The following TEKT4 variants were observed in gnomAD, a reference collection of about 807,000 sequenced individuals.
The protein encoded by TEKT4 is tektin 4.
TEKT4 carries 46 observed loss-of-function variants against 46.0 expected under a neutral mutation model. The observed-to-expected ratio is 1.00, with a 90% CI of 0.79 to 1.28. The LOEUF is 1.28. TEKT4 is among the 50% of genes most tolerant of loss of function. The pLI is 0.00. For missense variants in TEKT4, 790 were observed against 622.9 expected (o/e 1.27, Z -2.85); for synonymous variants, 325 against 265.8 (o/e 1.22, Z -2.17).
chr2:94,872,655 G>A (rs1553395000), intron 1 of TEKT4: 1 of 414,002 alleles, frequency 2.4e-6, no homozygotes, highest in Non-Finnish European at 4.3e-6. Flanking sequence ...TGACCTCTCA[G>A]AGCCTGGGGC....
rs192308447 is a variant in TEKT4 at position 94,875,752 on chromosome 2, G to A, written c.1091+10G>A. On this transcript the variant is annotated intron_variant, in intron 5 of 5. Coordinates refer to ENST00000295201, the MANE Select transcript of TEKT4 (RefSeq NM_144705.4). ...ACGCAGCCCAGTTCAGGTGCTGCCT[G>A]GGCCTCTGAGGCAGTCCCAGGTGGC... 1,138 of 1,612,076 alleles carry A rather than the reference G, an allele frequency of 7.1e-4. 7 individuals carry two copies. The African/African-American group carries it at 0.014, about 19-fold the overall frequency.
Position 94,875,018 on chromosome 2 carries a change from G to T in TEKT4, c.936+20G>T. The T allele has an allele frequency of 6.4e-7, 1 of 1,567,628 alleles. No homozygotes were observed. The highest frequency in any genetic ancestry group is 8.6e-7 in the Non-Finnish European group (1 of 1,156,568). Reference sequence around the variant, plus strand: ...CACAAGGTGGGGCACCCTGAACCCCGAAGACGGCCCCCTCTCATCACCTGG... The same window carrying T: ...CACAAGGTGGGGCACCCTGAACCCCTAAGACGGCCCCCTCTCATCACCTGG... On this transcript the variant is annotated intron_variant, in intron 4 of 5. Coordinates refer to ENST00000295201, the MANE Select transcript of TEKT4 (RefSeq NM_144705.4).
At position 94,873,963 on chromosome 2, in the gene TEKT4, A is replaced by G. The variant is rs1553395508; in HGVS notation, c.570-2A>G. 6.6e-7 allele frequency: 1 copy of G among 1,518,356 alleles called. No individual in the cohort carries two copies. Among genetic ancestry groups the G allele is most frequent in the East Asian group, 2.7e-5 (1 of 36,598 alleles). The allele number at this position is 1,518,356 out of a possible 1,614,324, so 94.1% of individuals were successfully genotyped here. A position where few individuals can be genotyped will look rare whatever the true frequency, so the allele number is the denominator to read the frequency against. Reference sequence around the variant, plus strand: ...TCAAGGCCCTGCCCCACCCCGCCCCAGACTGAACCGGGAGCACAAGGAGAC... The same window carrying G: ...TCAAGGCCCTGCCCCACCCCGCCCCGGACTGAACCGGGAGCACAAGGAGAC... On this transcript the variant is annotated splice_acceptor_variant, in intron 2 of 5. Coordinates refer to ENST00000295201, the MANE Select transcript of TEKT4 (RefSeq NM_144705.4). LOFTEE classifies it high-confidence loss of function.
chr2:94,873,097 G>A, intron 1 of TEKT4: 1 of 1,244,150 alleles, frequency 8.0e-7, no homozygotes, highest in Non-Finnish European at 1.0e-6. Context: ...CCTGTTCTTG[G>A]TGTGAAGATG....
chr2:94,875,868 T>C, intron 5 of TEKT4, 126 bp downstream of exon 5: 1 of 955,190 alleles, frequency 1.0e-6, no homozygotes, highest in East Asian at 2.6e-5. Context: ...GGAGGGAGAC[T>C]TTGGGGCCAC....
rs781913511 is a variant in TEKT4, at chr2:94,874,759, T to C, written c.714-17T>C. ...AGAGCCTCCCCGACCCTCTCCTGGC[T>C]GTCCCCCGCCCCGCAGCGCCTCCAC... On this transcript the variant is annotated splice_polypyrimidine_tract_variant and intron_variant, in intron 3 of 5. Transcript: ENST00000295201. 1.3e-6 allele frequency: 2 copies of C among 1,543,194 alleles called. No homozygotes were observed. The highest frequency in any genetic ancestry group is 1.4e-5 in the African/African-American group (1 of 73,388).
chr2:94,872,122 AG>A (rs1298333709), intron 1 of TEKT4, 45 bp downstream of exon 1: 1 of 1,375,532 alleles, frequency 7.3e-7, no homozygotes, highest in Non-Finnish European at 9.6e-7. Flanking sequence ...CGCAGAGAGG[AG>A]GAGCCCCCCC....
At chr2:94,873,360 G>A (rs1680664721) in intron 1 of TEKT4, 160 bp from the exon 2 acceptor site, 15 of 1,473,508 alleles carry the variant, frequency 1.0e-5, no homozygotes, top group Non-Finnish European at 1.3e-5. Context: ...AAAAGCCCAA[G>A]ATAAACCCAG....
chr2:94,873,470 G>A, intron 1 of TEKT4, 50 bp from the exon 2 acceptor site: 4 of 1,611,324 alleles, frequency 2.5e-6, no homozygotes, highest in Non-Finnish European at 3.4e-6. Context: ...GGGCCTCCTG[G>A]GATCCTCACC....
rs1553395972 is a variant in TEKT4 at position 94,875,000 on chromosome 2, T to TCCC, written c.936+2_936+3insCCC. 1 of 1,594,896 alleles carries TCCC rather than the reference T, an allele frequency of 6.3e-7. No individual in the cohort carries two copies. Among genetic ancestry groups the TCCC allele is most frequent in the East Asian group, 2.3e-5 (1 of 44,074 alleles). On this transcript the variant is annotated splice_region_variant and intron_variant, in intron 4 of 5. Coordinates refer to ENST00000295201, the MANE Select transcript of TEKT4 (RefSeq NM_144705.4). ...AAGCTGCATCACCACCTGCACAAGG[T>TCCC]GGGGCACCCTGAACCCCGAAGACGG...
chr2:94,875,642 A>G lies in TEKT4; in HGVS notation c.991A>G (p.Ile331Val), dbSNP rs1249550095. The stretch of plus-strand genomic sequence containing the variant: ...CAACGTGGCGGCACTGAAGCAGGCC[A>G]TCAAGGACAAAGAGGCACCTCTGCA... ...EHNVAALKQAIKDKEAPLHVA... is the reference protein window; with the variant it reads ...EHNVAALKQAVKDKEAPLHVA... Residue 331 changes from isoleucine to valine, a missense_variant, in exon 5 of 6, where the codon ATC becomes GTC. Ile to Val is a conservative substitution (Grantham distance 29, BLOSUM62 3). Coordinates refer to ENST00000295201, the MANE Select transcript of TEKT4 (RefSeq NM_144705.4). 1 of 1,614,180 alleles carries G rather than the reference A, an allele frequency of 6.2e-7. No homozygotes were observed. Among genetic ancestry groups the G allele is most frequent in the Non-Finnish European group, 8.5e-7 (1 of 1,180,014 alleles).
At chr2:94,874,634 T>C in intron 3 of TEKT4, 142 bp from the exon 4 acceptor site, 5 of 774,248 alleles carry the variant, frequency 6.5e-6, no homozygotes, top group Non-Finnish European at 1.0e-5. Context: ...GGACTGGGCT[T>C]TGTGGGGCAG....
chr2:94,874,730 C>A, intron 3 of TEKT4, 46 bp from the exon 4 acceptor site: 2 of 1,487,124 alleles, frequency 1.3e-6, no homozygotes, highest in Non-Finnish European at 1.8e-6. Context: ...TCCCAGCCTT[C>A]GGCAGAGCCT....
At chr2:94,873,218 T>A in intron 1 of TEKT4, 1 of 1,277,368 alleles carries the variant, frequency 7.8e-7, no homozygotes. Context: ...CGTTCCCAGG[T>A]GCACTGAGTG....
Position 94,872,059 on chromosome 2 carries a change from G to T in TEKT4, c.480G>T (p.Val160=). Residue 160 remains valine, a synonymous_variant, in exon 1 of 6, where the codon GTG becomes GTT. Transcript: ENST00000295201. ...REHPNLVRDH[V]ETELLKEAEL... is the part of the protein sequence containing the mutation. Reference sequence around the variant, plus strand: ...ACCCCAACCTCGTGCGCGACCATGTGGAAACGGAGCTGCTGAAGGTGCCAG... The same window carrying T: ...ACCCCAACCTCGTGCGCGACCATGTTGAAACGGAGCTGCTGAAGGTGCCAG... 1 of 1,547,748 alleles carries T rather than the reference G, an allele frequency of 6.5e-7. No individual in the cohort carries two copies.
In TEKT4 at chr2:94,874,110, T is replaced by TG; in HGVS notation, c.713+5dup. On this transcript the variant is annotated splice_region_variant and intron_variant, in intron 3 of 5. Transcript: ENST00000295201. ...GTACTCCACCACCTTCCAAGAGAGG[T>TG]GGGCCCCAGCTCTGCCCCTGCACTT... 1 of 1,613,048 alleles carries TG rather than the reference T, an allele frequency of 6.2e-7. No homozygotes were observed.
chr2:94,875,812 A>C, intron 5 of TEKT4, 70 bp downstream of exon 5: 3 of 1,464,680 alleles, frequency 2.0e-6, no homozygotes, highest in African/African-American at 1.4e-5. Context: ...CTCTCCAATA[A>C]ACACTCCAAC....
At chr2:94,872,132 C>CCG in intron 1 of TEKT4, 55 bp downstream of exon 1, 14 of 1,475,880 alleles carry the variant, frequency 9.5e-6, no homozygotes, top group Middle Eastern at 2.3e-4. Context: ...AGGAGCCCCC[C>CCG]CCCCCGCAGT....
In TEKT4 at chr2:94,873,948, G is replaced by A. The variant is rs1233560596; in HGVS notation, c.570-17G>A. The A allele has an allele frequency of 1.2e-5, 19 of 1,613,182 alleles. No individual in the cohort carries two copies. The highest frequency in any genetic ancestry group is 1.6e-5 in the Non-Finnish European group (19 of 1,179,774). On this transcript the variant is annotated splice_polypyrimidine_tract_variant and intron_variant, in intron 2 of 5. Coordinates refer to ENST00000295201, the MANE Select transcript of TEKT4 (RefSeq NM_144705.4). ...CTCCCTGGGCACACATCAAGGCCCT[G>A]CCCCACCCCGCCCCAGACTGAACCG...
Sources: gnomAD v4.1 joint callset for allele counts on GRCh38, gnomAD v4.1.1 for gene constraint, MANE v1.5 for transcripts, NCBI Gene and HGNC (gene_info 2026-07-23, HGNC 2026-07-21) for gene names.